L1CAM: variants seen among roughly 807,000 people sequenced by gnomAD.
L1CAM encodes neural cell adhesion molecule L1.
Under a neutral mutation model 93.0 loss-of-function variants are expected in L1CAM, and 8 were observed. The observed-to-expected ratio is 0.09, with a 90% CI of 0.05 to 0.16. L1CAM has a LOEUF of 0.16. Ranked by LOEUF, L1CAM falls within the 10% of genes least tolerant of loss-of-function variation. L1CAM has a pLI of 1.00. For synonymous variants in L1CAM, 453 were observed against 453.0 expected (o/e 1.00, Z 0.00); for missense variants, 777 against 1,073.4 (o/e 0.72, Z 3.86).
At chrX:153,863,665 G>A (rs1325437250) in intron 26 of L1CAM, 116 bp from the exon 27 acceptor site, 2 of 854,200 alleles carry the variant, frequency 2.3e-6, no homozygotes, top group African/African-American at 2.0e-5. Flanking sequence ...GAGGCAAGAG[G>A]CCTTGAAAGA....
At chrX:153,883,323 G>A (rs782364320) in intron 1 of L1CAM, among the ~76,000 whole-genome samples, 2 of 110,628 alleles carry the variant, frequency 1.8e-5, no homozygotes, top group Non-Finnish European at 3.8e-5. Flanking sequence ...GGGAGGAGAC[G>A]GGGAGTGGTG....
intron 1 of L1CAM, among the ~76,000 whole-genome samples, chrX:153,882,091 G>A (rs1438984272): frequency 7.2e-5 from 8 of 111,159 alleles, no homozygotes; most frequent in Non-Finnish European, 1.5e-4. Context: ...TGCGGGGGGC[G>A]GGGTGGGGGT....
chrX:153,863,665 G>T lies in L1CAM; in HGVS notation c.3458-116C>A, dbSNP rs1325437250. 16 of 854,198 alleles carry T rather than the reference G, an allele frequency of 1.9e-5. No individual in the cohort carries two copies. The African/African-American group carries it at 3.0e-4, about 16-fold the overall frequency. The allele number at this position is 854,198 out of a possible 1,213,427, so 70.4% of individuals were successfully genotyped here. A position where few individuals can be genotyped will look rare whatever the true frequency, so the allele number is the denominator to read the frequency against. ...TCTCAACAGCGCCCAGAGGCAAGAG[G>T]CCTTGAAAGAAACCGCTCACCCCCT... On this transcript the variant is annotated intron_variant, in intron 26 of 28. Transcript: ENST00000370060.
chrX:153,871,473 G>T (rs1394877073), intron 5 of L1CAM, among the ~76,000 whole-genome samples: 1 of 110,279 alleles, frequency 9.1e-6, no homozygotes, highest in East Asian at 2.9e-4. Context: ...GGACGGGTGG[G>T]GGGAGGCTGA....
intron 5 of L1CAM, 112 bp downstream of exon 5, chrX:153,872,040 G>C: frequency 3.2e-6 from 2 of 616,154 alleles, no homozygotes; most frequent in Non-Finnish European, 5.3e-6. Context: ...TGGAGGGCTG[G>C]CAGGACACCC....
At position 153,870,932 on chromosome X, in the gene L1CAM, C is replaced by A. The variant is rs1318274245; in HGVS notation, c.552G>T (p.Arg184=). Residue 184 remains arginine (R), a synonymous_variant, in exon 7 of 29, where the codon CGG becomes CGT. Transcript: ENST00000370060. ...SKILHIKQDE[R]VTMGQNGNLY... is the part of the protein sequence containing the mutation. Reference sequence around the variant, plus strand: ...GGTTGCCGTTCTGGCCCATCGTCACCCGCTCGTCCTGCTTGATGTGCAAGA... The same window carrying A: ...GGTTGCCGTTCTGGCCCATCGTCACACGCTCGTCCTGCTTGATGTGCAAGA... The A allele has an allele frequency of 8.3e-7, 1 of 1,208,772 alleles. No individual in the cohort carries two copies. Among genetic ancestry groups the A allele is most frequent in the Non-Finnish European group, 1.1e-6 (1 of 894,978 alleles).
chrX:153,872,343 G>C lies in L1CAM; in HGVS notation c.209C>G (p.Thr70Arg). The C allele has an allele frequency of 8.3e-7, 1 of 1,208,497 alleles. No individual in the cohort carries two copies. The highest frequency in any genetic ancestry group is 1.1e-6 in the Non-Finnish European group (1 of 894,417). Residue 70 changes from threonine to arginine, a missense_variant, in exon 5 of 29, where the codon ACG becomes AGG. Transcript: ENST00000370060. ...SGKPEVQFRW[T>R]RDGVHFKPKE... ...GGGTTTGAAGTGGACACCATCCCTC[G>C]TCCAGCGGAACCTGTGGGCGGAAAA...
At chrX:153,867,313 G>A (rs372167378) in intron 17 of L1CAM, 43 bp downstream of exon 17, 20 of 1,111,460 alleles carry the variant, frequency 1.8e-5, no homozygotes, top group Non-Finnish European at 2.2e-5. Context: ...ACAGCCCGGA[G>A]CCCCTTCCAG....
At chrX:153,876,829 A>C (rs1171497388) in intron 1 of L1CAM, among the ~76,000 whole-genome samples, 1 of 109,628 alleles carries the variant, frequency 9.1e-6, no homozygotes, top group Non-Finnish European at 1.9e-5. Context: ...CCCCGTCTCT[A>C]CTAAAAATAC....
chrX:153,877,694 A>G (rs1342909973), intron 1 of L1CAM, among the ~76,000 whole-genome samples: 1 of 111,744 alleles, frequency 8.9e-6, no homozygotes, highest in African/African-American at 3.3e-5. Flanking sequence ...GAAGAGAGGA[A>G]GGAGGAAAAC....
At position 153,863,871 on chromosome X, in the gene L1CAM, C is replaced by A; in HGVS notation, c.3457+12G>T. On this transcript the variant is annotated intron_variant, in intron 26 of 28. Transcript: ENST00000370060. ...TCGGCTCCACCCCCGTCACGTGGGGCTCAGAGGCTACCTGAGTATTTGCCG... is the reference window on the plus strand; with the variant it reads ...TCGGCTCCACCCCCGTCACGTGGGGATCAGAGGCTACCTGAGTATTTGCCG... 8.2e-7 allele frequency: 1 copy of A among 1,212,265 alleles called. No individual in the cohort carries two copies. The highest frequency in any genetic ancestry group is 2.3e-4 in the Middle Eastern group (1 of 4,353).
intron 6 of L1CAM, 27 bp from the exon 7 acceptor site, chrX:153,870,987 A>G (rs2064763884): frequency 8.3e-7 from 1 of 1,211,058 alleles, no homozygotes; most frequent in African/African-American, 1.7e-5. Context: ...GGCCGAAGTC[A>G]TGACCCCGTC....
rs199577902 is a variant in L1CAM at position 153,863,878 on chromosome X, G to T, written c.3457+5C>A. ...CACCCCCGTCACGTGGGGCTCAGAGGCTACCTGAGTATTTGCCGCCCTTGC... is the reference window on the plus strand; with the variant it reads ...CACCCCCGTCACGTGGGGCTCAGAGTCTACCTGAGTATTTGCCGCCCTTGC... On this transcript the variant is annotated splice_donor_5th_base_variant and intron_variant, in intron 26 of 28. Coordinates refer to ENST00000370060, the MANE Select transcript of L1CAM (RefSeq NM_001278116.2). 1 of 1,212,116 alleles carries T rather than the reference G, an allele frequency of 8.3e-7. No individual in the cohort carries two copies. Among genetic ancestry groups the T allele is most frequent in the South Asian group, 1.8e-5 (1 of 57,044 alleles).
Position 153,868,421 on chromosome X carries a change from G to A in L1CAM, c.1584C>T (p.Ile528=). The change falls in exon 14 of 29, where the codon ATC becomes ATT. Residue 528 remains isoleucine, a synonymous_variant. Coordinates refer to ENST00000370060, the MANE Select transcript of L1CAM (RefSeq NM_001278116.2). The part of the protein sequence containing the change: ...TQITQGPRST[I]EKKGSRVTFT... ...AGGTCACCCTGGAACCTTTCTTCTCGATTGTGCTGCGGGGCCCCTGAGTGA... is the reference window on the plus strand; with the variant it reads ...AGGTCACCCTGGAACCTTTCTTCTCAATTGTGCTGCGGGGCCCCTGAGTGA... 8.3e-7 allele frequency: 1 copy of A among 1,211,833 alleles called. No homozygotes were observed. The highest frequency in any genetic ancestry group is 1.8e-5 in the South Asian group (1 of 57,010).
Position 153,862,669 on chromosome X carries a change from T to C in L1CAM, c.3768A>G (p.Leu1256=), listed in dbSNP as rs782388898. ...TCTCCTGTCCTGGACTCCACTATTCTAGGGCCACGGCAGGGTTGATGGGGG... is the reference window on the plus strand; with the variant it reads ...TCTCCTGTCCTGGACTCCACTATTCCAGGGCCACGGCAGGGTTGATGGGGG... ...ATSPINPAVA[L]E The change falls in exon 29 of 29, where the codon CTA becomes CTG. Residue 1256 remains leucine (L), a synonymous_variant. Transcript: ENST00000370060. The C allele has an allele frequency of 5.0e-6, 6 of 1,206,606 alleles. No individual in the cohort carries two copies. The East Asian group carries it at 1.8e-4, about 36-fold the overall frequency.
intron 2 of L1CAM, among the ~76,000 whole-genome samples, 193 bp from the exon 3 acceptor site, chrX:153,873,435 C>T (rs1251296488): frequency 8.9e-6 from 1 of 112,072 alleles, no homozygotes; most frequent in Admixed American, 9.3e-5. Flanking sequence ...AGGTCAAGCC[C>T]AGGGAGATGG....
At chrX:153,885,494 C>A in intron 1 of L1CAM, 1 of 819,821 alleles carries the variant, frequency 1.2e-6, no homozygotes, top group Non-Finnish European at 1.6e-6. Flanking sequence ...GAACAAAGCC[C>A]CCCCAACCTT....
At chrX:153,881,816 G>A (rs5945363) in intron 1 of L1CAM, among the ~76,000 whole-genome samples, 46,047 of 110,021 alleles carry the variant, frequency 0.42, 8,493 homozygotes, top group East Asian at 0.7. Flanking sequence ...CCCAGCAGGC[G>A]GCAAGGCTTC....
intron 1 of L1CAM, among the ~76,000 whole-genome samples, chrX:153,879,630 T>C (rs188930039): frequency 0.025 from 2,748 of 111,807 alleles, 79 homozygotes; most frequent in African/African-American, 0.084. Flanking sequence ...CGGAGGGGCC[T>C]ACAAAGCCCC....
Sources: allele counts gnomAD v4.1 joint callset (sites outside exome capture counted in the v4.1 genomes callset), GRCh38; gene constraint gnomAD v4.1.1; transcripts MANE v1.5; gene names NCBI Gene and HGNC (gene_info 2026-07-23, HGNC 2026-07-21).